Variants in MBTPS1 observed in about 807,000 individuals in gnomAD.
The protein encoded by MBTPS1 is membrane-bound transcription factor site-1 protease.
In MBTPS1, 94 loss-of-function variants were observed where a neutral mutation model predicts 127.8. The observed-to-expected ratio is 0.74, with a 90% confidence interval of 0.62 to 0.87. MBTPS1 has a LOEUF of 0.87. MBTPS1 is among the 40% of genes least tolerant of loss of function. The pLI is 0.00. For missense variants in MBTPS1, 1,636 were observed against 1,353.2 expected, an observed-to-expected ratio of 1.21 and a Z score of -3.28; for synonymous variants, 632 against 509.4, an observed-to-expected ratio of 1.24 and a Z score of -3.24.
chr16:84,057,047 G>A (rs531317423), intron 21 of MBTPS1: 2 of 152,358 alleles, frequency 1.3e-5, no homozygotes, highest in South Asian at 2.1e-4. Flanking sequence ...CTTTGGGCAA[G>A]TGAAAGCAAA....
intron 9 of MBTPS1, 48 bp from the exon 10 acceptor site, chr16:84,085,182 A>G (rs1408398820): frequency 1.3e-6 from 2 of 1,580,326 alleles, no homozygotes; most frequent in Non-Finnish European, 1.7e-6. Flanking sequence ...ATTGGCATAC[A>G]GCCGCATGCA....
chr16:84,101,886 C>A lies in MBTPS1; in HGVS notation c.-103G>T. On this transcript the variant is annotated 5_prime_UTR_variant, in exon 2 of 23. It removes the in-frame stop codon of an upstream open reading frame in the 5' UTR. Transcript: ENST00000343411. ...GTTTCAGCTAAAAGCTGCAACATTACTAATCAGCCATCTTACAGTCTTGCC... is the reference window on the plus strand; with the variant it reads ...GTTTCAGCTAAAAGCTGCAACATTAATAATCAGCCATCTTACAGTCTTGCC... 9.1e-7 allele frequency: 1 copy of A among 1,104,620 alleles called. No homozygotes were observed. The highest frequency in any genetic ancestry group is 1.3e-6 in the Non-Finnish European group (1 of 748,142). The allele number at this position is 1,104,620 out of a possible 1,614,324, so 68.4% of individuals were successfully genotyped here.
At chr16:84,092,087 T>C (rs1052132305) in intron 6 of MBTPS1, among the ~76,000 whole-genome samples, 9 of 152,200 alleles carry the variant, frequency 5.9e-5, no homozygotes, top group African/African-American at 2.2e-4. Flanking sequence ...GCAGGTGGCC[T>C]ATCTCTCTAG....
intron 18 of MBTPS1, among the ~76,000 whole-genome samples, chr16:84,065,345 C>T (rs1273858652): frequency 6.6e-6 from 1 of 152,116 alleles, no homozygotes; most frequent in African/African-American, 2.4e-5. Context: ...TCTCGATCTC[C>T]TGACCTCATG....
intron 18 of MBTPS1, among the ~76,000 whole-genome samples, chr16:84,064,874 T>C (rs2085659195): frequency 1.3e-5 from 2 of 152,236 alleles, no homozygotes; most frequent in Admixed American, 6.5e-5. Flanking sequence ...TGCAAGTAGA[T>C]AAGGTGAGAA....
rs1209883414 is a variant in MBTPS1, at chr16:84,063,314, G to A, written c.2563C>T (p.Arg855Ter). The change falls in exon 19 of 23, where the codon CGA becomes TGA. Residue 855 changes from arginine (R) to a stop codon, truncating the protein, a stop_gained. Transcript: ENST00000343411. LOFTEE classifies it high-confidence loss of function. The stretch of plus-strand genomic sequence containing the variant: ...TCTGCGTTTTTCCTACCCTTCTGTC[G>A]GTGACTGTCATCCAAGCAATTGGAG... ...GDSNCLDDSH[R>*]QKDCFWLLDA... The A allele has an allele frequency of 8.1e-6, 13 of 1,609,492 alleles. No homozygotes were observed. The highest frequency in any genetic ancestry group is 1.3e-5 in the African/African-American group (1 of 74,862).
intron 12 of MBTPS1, among the ~76,000 whole-genome samples, chr16:84,073,137 T>A (rs1433393932): frequency 6.6e-6 from 1 of 152,188 alleles, no homozygotes; most frequent in Non-Finnish European, 1.5e-5. Context: ...TATAGTTGAA[T>A]TTTTCTTTTC....
At chr16:84,069,126 G>T (rs997290954) in intron 14 of MBTPS1, among the ~76,000 whole-genome samples, 3 of 152,242 alleles carry the variant, frequency 2.0e-5, no homozygotes, top group Non-Finnish European at 2.9e-5. Context: ...TAAAAGGCAA[G>T]TCTGACTCTG....
rs751603381 is a variant in MBTPS1, at chr16:84,074,770, G to A, written c.1449-29C>T. 2.5e-6 allele frequency: 4 copies of A among 1,589,852 alleles called. No homozygotes were observed. The East Asian group carries it at 9.0e-5, about 36-fold the overall frequency. On this transcript the variant is annotated intron_variant, in intron 11 of 22. Coordinates refer to ENST00000343411, the MANE Select transcript of MBTPS1 (RefSeq NM_003791.4). The stretch of plus-strand genomic sequence containing the variant: ...AAATAAAGAATACAGTGTTAGAGTA[G>A]ATCATATGAGAAAACTACAATGAAG...
rs780652782 is a variant in MBTPS1, at chr16:84,070,029, C to T, written c.1792G>A (p.Gly598Ser). 6.4e-7 allele frequency: 1 copy of T among 1,558,906 alleles called. No individual in the cohort carries two copies. The highest frequency in any genetic ancestry group is 8.6e-7 in the Non-Finnish European group (1 of 1,160,024). ...ASPAETESKN[G>S]AEQTSTVKLP... ...TTTACTGTTGAAGTCTGTTCTGCAC[C>T]ATTTTTTGACTAAAAAAAAAGAAAA... Residue 598 changes from glycine to serine, a missense_variant, in exon 14 of 23, where the codon GGT becomes AGT. Coordinates refer to ENST00000343411, the MANE Select transcript of MBTPS1 (RefSeq NM_003791.4).
Position 84,054,331 on chromosome 16 carries a change from A to T in MBTPS1, c.*118T>A. On this transcript the variant is annotated 3_prime_UTR_variant, in exon 23 of 23. Coordinates refer to ENST00000343411, the MANE Select transcript of MBTPS1 (RefSeq NM_003791.4). ...GCAGGCCCATGTAGAACAGACTCTA[A>T]CAAACCTGCAGCTGGAAACTGGATC... The T allele has an allele frequency of 1.1e-6, 1 of 921,512 alleles. No homozygotes were observed. Among genetic ancestry groups the T allele is most frequent in the Non-Finnish European group, 1.6e-6 (1 of 636,222 alleles). The allele number at this position is 921,512 out of a possible 1,614,324, so 57.1% of individuals were successfully genotyped here.
At chr16:84,110,737 G>C (rs914960182) in intron 1 of MBTPS1, 1 of 152,216 alleles carries the variant, frequency 6.6e-6, no homozygotes, top group Non-Finnish European at 1.5e-5. Context: ...CCAGCAAGTA[G>C]AACAGCTGGG....
At position 84,067,292 on chromosome 16, in the gene MBTPS1, T is replaced by C. The variant is rs538775549; in HGVS notation, c.2228+375A>G. On this transcript the variant is annotated intron_variant, in intron 16 of 22. Transcript: ENST00000343411. ...TAACAGTACTCATACTCAATAAACA[T>C]CTTACTCTATGAGCAACTTTCAAGA... Among the ~76,000 whole-genome samples, 7 of 152,286 alleles carry C rather than the reference T, an allele frequency of 4.6e-5. No individual in the cohort carries two copies. In the East Asian group the frequency reaches 1.3e-3, roughly 29 times the overall value.
At chr16:84,097,514 A>G (rs1439359697) in intron 3 of MBTPS1, among the ~76,000 whole-genome samples, 4 of 152,308 alleles carry the variant, frequency 2.6e-5, no homozygotes, top group Non-Finnish European at 1.5e-5. Flanking sequence ...GAACACACGC[A>G]GTGGAGATGG....
intron 1 of MBTPS1, among the ~76,000 whole-genome samples, chr16:84,104,091 T>C (rs192742817): frequency 6.6e-6 from 1 of 152,296 alleles, no homozygotes; most frequent in East Asian, 1.9e-4. Context: ...AATAATGACA[T>C]GAAGCATGTA....
At chr16:84,113,839 G>T (rs1037139942) in intron 1 of MBTPS1, among the ~76,000 whole-genome samples, 1 of 151,974 alleles carries the variant, frequency 6.6e-6, no homozygotes, top group Non-Finnish European at 1.5e-5. Flanking sequence ...ATTAAAAGTC[G>T]GCTGAAAAAC....
chr16:84,086,743 G>C (rs190954816), intron 9 of MBTPS1, among the ~76,000 whole-genome samples: 1 of 152,096 alleles, frequency 6.6e-6, no homozygotes, highest in Admixed American at 6.6e-5. Context: ...TGCTCCCCTC[G>C]GCCACAGCGA....
chr16:84,101,946 G>C lies in MBTPS1; in HGVS notation c.-163C>G, dbSNP rs577084226. 25 of 637,308 alleles carry C rather than the reference G, an allele frequency of 3.9e-5. No homozygotes were observed. The East Asian group carries it at 7.0e-4, about 18-fold the overall frequency. The allele number at this position is 637,308 out of a possible 1,614,324, so 39.5% of individuals were successfully genotyped here. A position where few individuals can be genotyped will look rare whatever the true frequency, so the allele number is the denominator to read the frequency against. On this transcript the variant is annotated 5_prime_UTR_variant, in exon 2 of 23. Coordinates refer to ENST00000343411, the MANE Select transcript of MBTPS1 (RefSeq NM_003791.4). The stretch of plus-strand genomic sequence containing the variant: ...TAAAAGTTAAATCCCATGGCCTTTT[G>C]TGGTTCAGCCTGAAGAGAGGCTTTC...
chr16:84,105,396 G>A (rs2086309430), intron 1 of MBTPS1, among the ~76,000 whole-genome samples: 1 of 152,158 alleles, frequency 6.6e-6, no homozygotes. Context: ...ATGAAAATGT[G>A]AAAGGAGAGG....
Sources: gnomAD v4.1 joint callset for allele counts (sites outside exome capture counted in the v4.1 genomes callset) on GRCh38, gnomAD v4.1.1 for gene constraint, MANE v1.5 for transcripts, NCBI Gene and HGNC (gene_info 2026-07-23, HGNC 2026-07-21) for gene names.